FRA10AC1: variants seen among roughly 807,000 people sequenced by gnomAD.
FRA10AC1 encodes the protein FRA10A associated CGG repeat 1, also known as protein FRA10AC1.
In FRA10AC1, 43 loss-of-function variants were observed where a neutral mutation model predicts 56.5. That is an observed-to-expected ratio of 0.76 (90% confidence interval 0.60 to 0.98). The LOEUF (loss-of-function observed/expected upper bound fraction) is 0.98. Ranked by LOEUF, FRA10AC1 falls within the 50% of genes least tolerant of loss-of-function variation. The pLI, the probability that FRA10AC1 is intolerant of heterozygous loss-of-function variation, is 0.00. For synonymous variants in FRA10AC1, 112 were observed against 110.5 expected (o/e 1.01, Z -0.09); for missense variants, 346 against 351.8 (o/e 0.98, Z 0.13).
At chr10:93,695,128 T>C (rs1216953705) in intron 4 of FRA10AC1, among the ~76,000 whole-genome samples, 191 bp from the exon 5 acceptor site, 5 of 152,148 alleles carry the variant, frequency 3.3e-5, no homozygotes, top group Non-Finnish European at 7.4e-5. Context: ...GTGAAGATTG[T>C]AAAGTACAGG....
chr10:93,695,012 A>T (rs1469747526), intron 4 of FRA10AC1, 75 bp from the exon 5 acceptor site: 6 of 225,690 alleles, frequency 2.7e-5, no homozygotes, highest in African/African-American at 1.4e-4. Context: ...GATTGGTGGT[A>T]AAAAAAAGCA....
intron 12 of FRA10AC1, chr10:93,675,796 G>A: frequency 5.4e-6 from 1 of 183,652 alleles, no homozygotes; most frequent in South Asian, 8.1e-5. Flanking sequence ...AAATGAATTA[G>A]ATATGCTATT....
At chr10:93,675,686 A>G in intron 12 of FRA10AC1, 1 of 369,800 alleles carries the variant, frequency 2.7e-6, no homozygotes, top group South Asian at 1.9e-5. Context: ...ACCTGGGTGA[A>G]AGAGCATGAC....
intron 4 of FRA10AC1, among the ~76,000 whole-genome samples, chr10:93,697,166 G>A (rs1235891525): frequency 2.0e-5 from 3 of 152,140 alleles, no homozygotes; most frequent in Non-Finnish European, 4.4e-5. Context: ...TCCTATGCCA[G>A]AAAAAAGAGT....
rs1391697118 is a variant in FRA10AC1 at position 93,673,599 on chromosome 10, T to A, written c.827-2751A>T. On this transcript the variant is annotated intron_variant, in intron 12 of 13. Transcript: ENST00000359204. ...AAATGGCAAATGTCTCCAATAATCATGGTAACAAATGGACAGGTCAGATTT... is the reference window on the plus strand; with the variant it reads ...AAATGGCAAATGTCTCCAATAATCAAGGTAACAAATGGACAGGTCAGATTT... 6 of 354,734 alleles carry A rather than the reference T, an allele frequency of 1.7e-5. No individual in the cohort carries two copies. In the East Asian group the frequency reaches 4.4e-4, roughly 26 times the overall value. 22.0% of individuals were successfully genotyped at this position (354,734 alleles called of 1,614,324 possible).
chr10:93,677,982 A>G, intron 11 of FRA10AC1, among the ~76,000 whole-genome samples: 1 of 152,238 alleles, frequency 6.6e-6, no homozygotes, highest in African/African-American at 2.4e-5. Context: ...AGCAAGCACT[A>G]TTAGGAATTA....
intron 8 of FRA10AC1, 61 bp from the exon 9 acceptor site, chr10:93,685,420 T>C: frequency 2.6e-6 from 2 of 761,226 alleles, no homozygotes; most frequent in Non-Finnish European, 4.5e-6. Flanking sequence ...CTATATGATC[T>C]AGTATTACCC....
At chr10:93,696,770 A>C (rs2059241100) in intron 4 of FRA10AC1, among the ~76,000 whole-genome samples, 1 of 152,250 alleles carries the variant, frequency 6.6e-6, no homozygotes, top group Admixed American at 6.5e-5. Flanking sequence ...AATACTATGC[A>C]ACCACAAAAA....
intron 4 of FRA10AC1, among the ~76,000 whole-genome samples, chr10:93,697,148 C>T (rs1362275903): frequency 6.6e-6 from 1 of 152,128 alleles, no homozygotes; most frequent in African/African-American, 2.4e-5. Context: ...AACTGTGGCT[C>T]CAACTCCTCC....
chr10:93,685,043 C>A (rs1484930574), intron 9 of FRA10AC1, among the ~76,000 whole-genome samples: 2 of 152,042 alleles, frequency 1.3e-5, no homozygotes, highest in African/African-American at 4.8e-5. Context: ...CATTAGAATT[C>A]TTTTTACTGA....
intron 1 of FRA10AC1, among the ~76,000 whole-genome samples, chr10:93,701,665 G>T (rs2133950746): frequency 6.6e-6 from 1 of 152,150 alleles, no homozygotes; most frequent in African/African-American, 2.4e-5. Flanking sequence ...ATCTGTTATT[G>T]CCTTACACAC....
intron 5 of FRA10AC1, among the ~76,000 whole-genome samples, chr10:93,693,541 TATATATAC>T (rs1210394299): frequency 1.6e-5 from 2 of 121,776 alleles, no homozygotes; most frequent in Non-Finnish European, 3.4e-5. Context: ...CATATATATA[TATATATAC>T]ACACATACAT....
chr10:93,674,089 T>C (rs1192508378), intron 12 of FRA10AC1: 1 of 152,584 alleles, frequency 6.6e-6, no homozygotes, highest in African/African-American at 2.4e-5. Flanking sequence ...AAGATAACAA[T>C]ACTTGAAATT....
chr10:93,671,872 T>C (rs2058767571), intron 12 of FRA10AC1: 1 of 347,686 alleles, frequency 2.9e-6, no homozygotes, highest in Non-Finnish European at 5.5e-6. Context: ...CATTTTCAAA[T>C]TGTTTGTATT....
chr10:93,677,808 G>A (rs2058869558), intron 11 of FRA10AC1, among the ~76,000 whole-genome samples: 1 of 152,162 alleles, frequency 6.6e-6, no homozygotes, highest in Non-Finnish European at 1.5e-5. Context: ...TTGCTAACAA[G>A]TTCCTAAATG....
intron 12 of FRA10AC1, chr10:93,674,409 A>G (rs2058810936): frequency 6.6e-6 from 1 of 152,236 alleles, no homozygotes; most frequent in African/African-American, 2.4e-5. Flanking sequence ...TGAAATTGCC[A>G]AGACCATGTA....
chr10:93,691,750 A>C (rs2059126994), intron 7 of FRA10AC1, among the ~76,000 whole-genome samples: 1 of 152,168 alleles, frequency 6.6e-6, no homozygotes, highest in Admixed American at 6.5e-5. Flanking sequence ...TCCAATACCC[A>C]CTTGCGTTTA....
In FRA10AC1 at chr10:93,681,234, G is replaced by C. The variant is rs60314296; in HGVS notation, c.787+246C>G. 8.6e-3 allele frequency among the ~76,000 whole-genome samples: 1,315 copies of C among 152,190 alleles called. 23 individuals carry two copies. Among genetic ancestry groups the C allele is most frequent in the African/African-American group, 0.03 (1,235 of 41,532 alleles). On this transcript the variant is annotated intron_variant, in intron 11 of 13. Transcript: ENST00000359204. Reference sequence around the variant, plus strand: ...CTGTAGGTGACAAAGCCAGGAATTAGAAAACTGTTGGCAATATTATACTAT... The same window carrying C: ...CTGTAGGTGACAAAGCCAGGAATTACAAAACTGTTGGCAATATTATACTAT...
At chr10:93,678,862 A>AG (rs1253429812) in intron 11 of FRA10AC1, among the ~76,000 whole-genome samples, 1 of 151,992 alleles carries the variant, frequency 6.6e-6, no homozygotes, top group Non-Finnish European at 1.5e-5. Flanking sequence ...ACAAAAAAAA[A>AG]AAAGCATTAG....
Sources: gnomAD v4.1 joint callset for allele counts (sites outside exome capture counted in the v4.1 genomes callset) on GRCh38, gnomAD v4.1.1 for gene constraint, MANE v1.5 for transcripts, NCBI Gene and HGNC (gene_info 2026-07-23, HGNC 2026-07-21) for gene names.